Variants in TNNI3K observed in about 807,000 individuals in gnomAD.
TNNI3K encodes TNNI3 interacting kinase, also known as serine/threonine-protein kinase TNNI3K.
A neutral mutation model predicts 114.5 loss-of-function variants in TNNI3K; 140 were observed. That is an observed-to-expected ratio of 1.22 (90% CI 1.07 to 1.41). The LOEUF (loss-of-function observed/expected upper bound fraction) is 1.41, where lower values mean the gene tolerates loss of function less well. Among genes scored for constraint, TNNI3K ranks in the 40% most tolerant of loss-of-function variants. TNNI3K has a pLI of 0.00. For synonymous variants in TNNI3K, 347 were observed against 347.5 expected, an observed-to-expected ratio of 1.00 and a Z score of 0.02; for missense variants, 1,125 against 1,007.6, an observed-to-expected ratio of 1.12 and a Z score of -1.58.
In TNNI3K at chr1:74,250,685, T is replaced by C. The variant is rs202213063; in HGVS notation, c.249T>C (p.His83=). The change falls in exon 4 of 25, where the codon CAT becomes CAC. Residue 83 remains histidine (H), a synonymous_variant. Coordinates refer to ENST00000326637, the MANE Select transcript of TNNI3K (RefSeq NM_015978.3). ...TTTCTCTTTAAGGCAAGAAATCACATATTCGAACTCTTATGTTGAAAGGGC... is the reference window on the plus strand; with the variant it reads ...TTTCTCTTTAAGGCAAGAAATCACACATTCGAACTCTTATGTTGAAAGGGC... ...LCCICGGKKS[H]IRTLMLKGLR... The C allele has an allele frequency of 9.9e-6, 16 of 1,610,796 alleles. No homozygotes were observed. The South Asian group carries it at 1.8e-4, about 18-fold the overall frequency.
At chr1:74,540,970 A>G (rs1319487552) in intron 24 of TNNI3K, among the ~76,000 whole-genome samples, 1 of 152,128 alleles carries the variant, frequency 6.6e-6, no homozygotes, top group Non-Finnish European at 1.5e-5. Flanking sequence ...CTTTATCATC[A>G]GCTGCGATAT....
intron 17 of TNNI3K, among the ~76,000 whole-genome samples, chr1:74,382,848 C>A (rs926246670): frequency 3.9e-5 from 6 of 152,054 alleles, no homozygotes; most frequent in Admixed American, 1.3e-4. Context: ...GAGGGAAATC[C>A]CCCTTCTAAA....
chr1:74,484,713 A>T (rs142821633), intron 21 of TNNI3K, among the ~76,000 whole-genome samples: 42 of 152,276 alleles, frequency 2.8e-4, no homozygotes, highest in Middle Eastern at 3.4e-3. Flanking sequence ...TAAGAGGAAG[A>T]GTAGGGCACA....
chr1:74,533,567 T>C (rs546682652), intron 23 of TNNI3K, among the ~76,000 whole-genome samples: 363 of 152,318 alleles, frequency 2.4e-3, no homozygotes, highest in South Asian at 5.8e-3. Context: ...ACTGGGTATA[T>C]ACCCAAAGGA....
intron 17 of TNNI3K, among the ~76,000 whole-genome samples, chr1:74,411,382 G>A (rs1464256038): frequency 1.3e-5 from 2 of 152,070 alleles, no homozygotes; most frequent in African/African-American, 4.8e-5. Context: ...AAACTTGTTG[G>A]TTCTTGTAAG....
At chr1:74,335,948 T>C (rs1384326267) in intron 6 of TNNI3K, 63 bp from the exon 7 acceptor site, 6 of 1,498,088 alleles carry the variant, frequency 4.0e-6, no homozygotes, top group Non-Finnish European at 5.3e-6. Context: ...TCTTGTATAC[T>C]GCCAAAAGTT....
At chr1:74,353,012 G>A (rs995995111) in intron 9 of TNNI3K, among the ~76,000 whole-genome samples, 5 of 152,130 alleles carry the variant, frequency 3.3e-5, no homozygotes, top group Non-Finnish European at 7.4e-5. Context: ...TACCTCAGTT[G>A]GAAATGCAGA....
chr1:74,361,058 A>C (rs1386224140), intron 11 of TNNI3K, among the ~76,000 whole-genome samples: 1 of 152,128 alleles, frequency 6.6e-6, no homozygotes, highest in Non-Finnish European at 1.5e-5. Flanking sequence ...TGATATTCTA[A>C]GAAATACTAA....
chr1:74,514,389 G>T (rs748329288), intron 23 of TNNI3K, among the ~76,000 whole-genome samples: 4 of 152,152 alleles, frequency 2.6e-5, no homozygotes, highest in African/African-American at 9.7e-5. Flanking sequence ...GTTCCTTATC[G>T]AGAGGAAGCA....
intron 17 of TNNI3K, among the ~76,000 whole-genome samples, chr1:74,384,485 C>T (rs1663373001): frequency 6.6e-6 from 1 of 152,132 alleles, no homozygotes; most frequent in Admixed American, 6.6e-5. Context: ...TTAGTGATTT[C>T]CAGCCACTAC....
At chr1:74,419,376 A>T (rs1206999211) in intron 17 of TNNI3K, among the ~76,000 whole-genome samples, 1 of 152,162 alleles carries the variant, frequency 6.6e-6, no homozygotes. Flanking sequence ...AAAACCTTTT[A>T]TCCAAATAAG....
At chr1:74,306,473 G>A (rs1261131439) in intron 5 of TNNI3K, among the ~76,000 whole-genome samples, 1 of 152,160 alleles carries the variant, frequency 6.6e-6, no homozygotes, top group Admixed American at 6.5e-5. Flanking sequence ...CACAGGGGCT[G>A]AACTAATTTA....
At position 74,385,167 on chromosome 1, in the gene TNNI3K, A is replaced by G. The variant is rs114878202; in HGVS notation, c.1772+14775A>G. On this transcript the variant is annotated intron_variant, in intron 17 of 24. Transcript: ENST00000326637. ...GTACATACCATATTATCCCACTTGT[A>G]TATAATTTTAGAAAATGCAAACTAA... Among the ~76,000 whole-genome samples, 385 of 152,284 alleles carry G rather than the reference A, an allele frequency of 2.5e-3. 2 individuals carry two copies. Among genetic ancestry groups the G allele is most frequent in the African/African-American group, 8.9e-3 (370 of 41,574 alleles).
intron 4 of TNNI3K, among the ~76,000 whole-genome samples, chr1:74,270,359 C>A (rs1656265726): frequency 2.0e-5 from 3 of 150,788 alleles, no homozygotes; most frequent in Non-Finnish European, 4.4e-5. Context: ...ATCAGCTTAG[C>A]TTCAGTGGGA....
chr1:74,314,817 A>G (rs2100363009), intron 5 of TNNI3K, among the ~76,000 whole-genome samples: 1 of 152,316 alleles, frequency 6.6e-6, no homozygotes, highest in Non-Finnish European at 1.5e-5. Flanking sequence ...ATAATAGTGA[A>G]GAGACACCAC....
intron 5 of TNNI3K, among the ~76,000 whole-genome samples, chr1:74,292,439 T>G (rs536195361): frequency 6.6e-6 from 1 of 151,734 alleles, no homozygotes; most frequent in South Asian, 2.1e-4. Flanking sequence ...ACATTTTTCC[T>G]TCTACTAGAA....
intron 21 of TNNI3K, chr1:74,465,040 G>T: frequency 9.5e-7 from 1 of 1,052,178 alleles, no homozygotes. Context: ...ATTTCAGTGT[G>T]AACCTCAGAA....
rs1281166291 is a variant in TNNI3K, at chr1:74,369,526, C to T, written c.1608C>T (p.Ala536=). Residue 536 remains alanine (A), a synonymous_variant, in exon 16 of 25, where the codon GCC becomes GCT. Transcript: ENST00000326637. ...GACLNDPSQF[A]IVTQYISGGS... ...GCTTGAATGATCCCAGCCAGTTTGC[C>T]ATTGTCACTCAATACATATCAGGGG... The T allele has an allele frequency of 1.9e-6, 3 of 1,612,668 alleles. No individual in the cohort carries two copies. Among genetic ancestry groups the T allele is most frequent in the Non-Finnish European group, 2.5e-6 (3 of 1,179,102 alleles).
chr1:74,249,273 C>T (rs1414249977), intron 2 of TNNI3K, among the ~76,000 whole-genome samples, 186 bp from the exon 3 acceptor site: 2 of 151,866 alleles, frequency 1.3e-5, no homozygotes, highest in Non-Finnish European at 2.9e-5. Context: ...TGTAAAACTA[C>T]AGAATTTCCT....
Sources: allele counts gnomAD v4.1 joint callset (sites outside exome capture counted in the v4.1 genomes callset), GRCh38; gene constraint gnomAD v4.1.1; transcripts MANE v1.5; gene names NCBI Gene and HGNC (gene_info 2026-07-23, HGNC 2026-07-21).